The following BCAS3 variants were observed in gnomAD, a reference collection of about 807,000 sequenced individuals.
BCAS3 encodes the protein BCAS4/BCAS3 fusion.
Under a neutral mutation model 116.1 loss-of-function variants are expected in BCAS3, and 53 were observed. The observed-to-expected ratio is 0.46, with a 90% CI of 0.37 to 0.57. BCAS3 has a LOEUF of 0.57. Among genes scored for constraint, BCAS3 ranks in the 20% least tolerant of loss-of-function variants. The pLI is 0.00. For synonymous variants in BCAS3, 391 were observed against 408.2 expected, an observed-to-expected ratio of 0.96 and a Z score of 0.51; for missense variants, 917 against 1,165.4, an observed-to-expected ratio of 0.79 and a Z score of 3.10.
At chr17:60,889,917 C>T in intron 10 of BCAS3, 146 bp downstream of exon 10, 1 of 732,218 alleles carries the variant, frequency 1.4e-6, no homozygotes, top group Non-Finnish European at 2.2e-6. Flanking sequence ...TTTAATTGTG[C>T]AACTAATAAT....
At chr17:61,183,803 C>A (rs2079611834) in intron 22 of BCAS3, among the ~76,000 whole-genome samples, 1 of 152,208 alleles carries the variant, frequency 6.6e-6, no homozygotes, top group African/African-American at 2.4e-5. Flanking sequence ...ATGACTGATA[C>A]AATTGTTGAT....
chr17:61,390,209 A>G lies in BCAS3; in HGVS notation c.2594-1768A>G, dbSNP rs1298112185. 3 of 152,194 alleles carry G rather than the reference A, an allele frequency of 2.0e-5. No individual in the cohort carries two copies. Among genetic ancestry groups the G allele is most frequent in the Non-Finnish European group, 4.4e-5 (3 of 68,046 alleles). 9.4% of individuals were successfully genotyped at this position (152,194 alleles called of 1,614,324 possible). A position where few individuals can be genotyped will look rare whatever the true frequency, so the allele number is the denominator to read the frequency against. On this transcript the variant is annotated intron_variant, in intron 23 of 23. Coordinates refer to ENST00000407086, the MANE Select transcript of BCAS3 (RefSeq NM_017679.5). This position sits in a 1 kb window ranked among gnomAD's most constrained non-coding sequence, Gnocchi z 6.8. ...TGCTTTTGGGGAAATAAGGCAACAG[A>G]GGGGTCTCTTGGAGTCTGGAGCTTC... is the stretch of plus-strand genomic sequence containing the variant.
chr17:60,860,645 T>C (rs1050477517), intron 7 of BCAS3, among the ~76,000 whole-genome samples: 1 of 152,186 alleles, frequency 6.6e-6, no homozygotes, highest in Admixed American at 6.5e-5. Context: ...CCACCTTGAG[T>C]TGATTTTTGT....
chr17:60,679,846 A>G (rs1316100773), intron 2 of BCAS3, among the ~76,000 whole-genome samples: 1 of 152,142 alleles, frequency 6.6e-6, no homozygotes, highest in Non-Finnish European at 1.5e-5. Flanking sequence ...TGTAGTAGAA[A>G]ATGAAATAGA....
intron 23 of BCAS3, among the ~76,000 whole-genome samples, chr17:61,385,711 C>T (rs755164793): frequency 2.0e-4 from 30 of 152,256 alleles, no homozygotes; most frequent in Non-Finnish European, 4.1e-4. Flanking sequence ...CCAGCCCCAG[C>T]AAGGGTCTTA....
intron 15 of BCAS3, among the ~76,000 whole-genome samples, chr17:61,006,248 G>A (rs542716763): frequency 1.3e-5 from 2 of 152,104 alleles, no homozygotes; most frequent in African/African-American, 4.8e-5. Context: ...ATTCTTTAAT[G>A]TATAGGTATA....
intron 22 of BCAS3, among the ~76,000 whole-genome samples, chr17:61,359,431 G>A (rs1249470491): frequency 6.6e-6 from 1 of 151,222 alleles, no homozygotes; most frequent in African/African-American, 2.4e-5. Context: ...GGTTTTTTAA[G>A]GTGAGATCAA....
At chr17:61,386,486 C>G (rs1449404044) in intron 23 of BCAS3, among the ~76,000 whole-genome samples, 2 of 152,244 alleles carry the variant, frequency 1.3e-5, no homozygotes, top group Non-Finnish European at 2.9e-5. Flanking sequence ...CTGCCAATCC[C>G]TTCAGTGGGC....
intron 5 of BCAS3, among the ~76,000 whole-genome samples, chr17:60,740,509 A>T (rs1598400041): frequency 6.6e-6 from 1 of 151,616 alleles, no homozygotes. Flanking sequence ...AAAAAAAAAA[A>T]AAAAAAGAAA....
chr17:61,170,443 C>A (rs2078777218), intron 22 of BCAS3, among the ~76,000 whole-genome samples: 1 of 151,628 alleles, frequency 6.6e-6, no homozygotes, highest in African/African-American at 2.4e-5. Context: ...CGGGTGCCCA[C>A]CACCACGCCC....
rs1382647066 is a variant in BCAS3, at chr17:60,868,739, A to G, written c.584+56A>G. 1.3e-5 allele frequency: 14 copies of G among 1,075,734 alleles called. No homozygotes were observed. In the Admixed American group the frequency reaches 2.3e-4, roughly 18 times the overall value. The allele number at this position is 1,075,734 out of a possible 1,614,324, so 66.6% of individuals were successfully genotyped here. ...AAATAAGAAACATGCTCTCCTGGGCATGGAGAACTCTACCAGTTTCAATGA... is the reference window on the plus strand; with the variant it reads ...AAATAAGAAACATGCTCTCCTGGGCGTGGAGAACTCTACCAGTTTCAATGA... On this transcript the variant is annotated intron_variant, in intron 8 of 23. Transcript: ENST00000407086.
intron 11 of BCAS3, 31 bp from the exon 12 acceptor site, chr17:60,910,501 G>A: frequency 6.6e-7 from 1 of 1,523,868 alleles, no homozygotes; most frequent in Non-Finnish European, 8.8e-7. Context: ...ATACTGATGT[G>A]AAGTCATACA....
At chr17:61,299,020 G>A (rs758155761) in intron 22 of BCAS3, among the ~76,000 whole-genome samples, 5 of 151,136 alleles carry the variant, frequency 3.3e-5, no homozygotes, top group Non-Finnish European at 5.9e-5. Flanking sequence ...ATGAGATTTC[G>A]CCATGGTGGC....
chr17:61,225,039 A>G (rs2082299212), intron 22 of BCAS3, among the ~76,000 whole-genome samples: 1 of 152,222 alleles, frequency 6.6e-6, no homozygotes. Context: ...GAGATGCCAG[A>G]AGTTAATCCA....
chr17:60,738,234 C>T (rs961025464), intron 5 of BCAS3, among the ~76,000 whole-genome samples: 1 of 152,226 alleles, frequency 6.6e-6, no homozygotes, highest in Non-Finnish European at 1.5e-5. Context: ...ACTGATGGTG[C>T]TGTTGAGTTC....
At position 60,993,846 on chromosome 17, in the gene BCAS3, T is replaced by C. The variant is rs117995566; in HGVS notation, c.1486+3611T>C. 1.7e-4 allele frequency among the ~76,000 whole-genome samples: 26 copies of C among 152,312 alleles called. No homozygotes were observed. In the East Asian group the frequency reaches 5.0e-3, roughly 29 times the overall value. On this transcript the variant is annotated intron_variant, in intron 15 of 23. Transcript: ENST00000407086. The surrounding 1 kb of genome is among the most constrained non-coding windows in gnomAD (Gnocchi z 4.2). ...TTTCCTTTTTACTCTTTGGACCCAA[T>C]CCAGTTTAGGTTAGGATTATTTTAT...
chr17:60,867,658 G>A (rs1382865522), intron 7 of BCAS3, among the ~76,000 whole-genome samples: 1 of 152,114 alleles, frequency 6.6e-6, no homozygotes, highest in African/African-American at 2.4e-5. Context: ...GCCTCTGTGT[G>A]TGTGTGCACA....
chr17:61,216,516 G>GTTTTATTTTATTTTAT (rs145412209), intron 22 of BCAS3, among the ~76,000 whole-genome samples: 2 of 145,352 alleles, frequency 1.4e-5, no homozygotes, highest in Non-Finnish European at 3.0e-5. Flanking sequence ...ATAAGTATGT[G>GTTTTATTTTATTTTAT]TTTATTTTAT....
Position 61,368,494 on chromosome 17 carries a change from G to C in BCAS3, c.2593G>C (p.Glu865Gln). ...CCGGGACGTCGTGGGATCCGGAACAGGTAAAGGTGTCATCAGACTTCTAGC... is the reference window on the plus strand; with the variant it reads ...CCGGGACGTCGTGGGATCCGGAACACGTAAAGGTGTCATCAGACTTCTAGC... ...PSRDVVGSGTELQREGSIETL... is the reference protein window; with the variant it reads ...PSRDVVGSGTQLQREGSIETL... Residue 865 changes from glutamate to glutamine, a missense_variant and splice_region_variant, in exon 23 of 24, where the codon GAA becomes CAA. This residue lies in a region of BCAS3 where 109 missense variants were observed against 122.8 expected (regional missense o/e 0.89). Transcript: ENST00000407086. This position sits in a 1 kb window ranked among gnomAD's most constrained non-coding sequence, Gnocchi z 6.0. The C allele has an allele frequency of 6.3e-7, 1 of 1,598,306 alleles. No individual in the cohort carries two copies. Among genetic ancestry groups the C allele is most frequent in the Non-Finnish European group, 8.6e-7 (1 of 1,167,368 alleles).
Sources: gnomAD v4.1 joint callset for allele counts (sites outside exome capture counted in the v4.1 genomes callset) on GRCh38, gnomAD v4.1.1 for gene constraint, gnomAD v4.1.1 regional missense constraint, Gnocchi (gnomAD v3.1) non-coding constraint, MANE v1.5 for transcripts, NCBI Gene and HGNC (gene_info 2026-07-23, HGNC 2026-07-21) for gene names.